Variants in C14orf39 observed in about 807,000 individuals in gnomAD.
C14orf39 encodes chromosome 14 open reading frame 39.
C14orf39 carries 66 observed loss-of-function variants against 85.6 expected under a neutral mutation model. The ratio of observed to expected loss-of-function variants is 0.77; its 90% confidence interval spans 0.63 to 0.95. The LOEUF is 0.95. Ranked by LOEUF, C14orf39 falls within the 40% of genes least tolerant of loss-of-function variation. The pLI is 0.00. For missense variants in C14orf39, 735 were observed against 663.9 expected, an observed-to-expected ratio of 1.11 and a Z score of -1.18; for synonymous variants, 242 against 214.0, an observed-to-expected ratio of 1.13 and a Z score of -1.14.
chr14:60,480,952 T>G (rs1224409612), intron 4 of C14orf39, among the ~76,000 whole-genome samples: 1 of 152,064 alleles, frequency 6.6e-6, no homozygotes, highest in East Asian at 1.9e-4. Context: ...GAGGTGGGGT[T>G]GAGGTAAAGA....
chr14:60,509,476 T>C lies in C14orf39; in HGVS notation c.-144+5919A>G. On this transcript the variant is annotated intron_variant, in intron 1 of 5. Coordinates refer to the C14orf39 transcript ENST00000556799. ...GTGAGACCCTGGAAGAGAGCGGCGA[T>C]GTGGAGCGCCTGGGTCGCTTCCTCT... is the stretch of plus-strand genomic sequence containing the variant. 4 of 1,601,182 alleles carry C rather than the reference T, an allele frequency of 2.5e-6. No individual in the cohort carries two copies. Among genetic ancestry groups the C allele is most frequent in the Non-Finnish European group, 3.4e-6 (4 of 1,179,946 alleles).
intron 2 of C14orf39, chr14:60,495,402 G>T: frequency 5.7e-6 from 1 of 176,264 alleles, no homozygotes. Flanking sequence ...TGAGCGGCAG[G>T]TCATCAAGCA....
chr14:60,467,715 T>G (rs1174901490), intron 9 of C14orf39, among the ~76,000 whole-genome samples: 2 of 151,328 alleles, frequency 1.3e-5, no homozygotes, highest in African/African-American at 4.9e-5. Flanking sequence ...TACATGGGAG[T>G]GGAGGAATCA....
In C14orf39 at chr14:60,457,079, T is replaced by C. The variant is rs900522487; in HGVS notation, c.1196A>G (p.His399Arg). The change falls in exon 15 of 18, where the codon CAT becomes CGT. Residue 399 changes from histidine to arginine, a missense_variant. His to Arg is a conservative substitution (Grantham distance 29). Transcript: ENST00000321731. Reference protein sequence around the residue: ...KCTSQAIYTEHFGKSVENDSD... With the variant: ...KCTSQAIYTERFGKSVENDSD... ...ATCATTTTCTACTGACTTCCCAAAA[T>C]GTTCAGTATATATAGCCTGCAAATT... 3.8e-6 allele frequency: 6 copies of C among 1,596,632 alleles called. No individual in the cohort carries two copies. Among genetic ancestry groups the C allele is most frequent in the African/African-American group, 1.4e-5 (1 of 73,656 alleles).
At chr14:60,478,578 C>T (rs909287148) in intron 4 of C14orf39, among the ~76,000 whole-genome samples, 189 bp from the exon 5 acceptor site, 25 of 152,090 alleles carry the variant, frequency 1.6e-4, no homozygotes, top group Admixed American at 1.3e-4. Flanking sequence ...GACTATTATG[C>T]TCGAATATCA....
intron 4 of C14orf39, among the ~76,000 whole-genome samples, chr14:60,482,446 A>G (rs932376761): frequency 7.9e-5 from 12 of 152,224 alleles, no homozygotes; most frequent in African/African-American, 2.2e-4. Flanking sequence ...TTTTCTATTT[A>G]TAAAAGTAAT....
intron 5 of C14orf39, among the ~76,000 whole-genome samples, chr14:60,475,724 G>T (rs919068748): frequency 6.6e-6 from 1 of 152,042 alleles, no homozygotes; most frequent in Non-Finnish European, 1.5e-5. Context: ...AAAAAAGCTT[G>T]CCAACTCTAA....
At chr14:60,487,812 T>G (rs902844893), upstream of C14orf39, among the ~76,000 whole-genome samples, 1 of 152,204 alleles carries the variant, frequency 6.6e-6, no homozygotes, top group African/African-American at 2.4e-5. Context: ...TCATAGTCAT[T>G]CTAACAGGTG....
intron 4 of C14orf39, among the ~76,000 whole-genome samples, chr14:60,482,912 T>C (rs796930366): frequency 7.7e-4 from 60 of 77,434 alleles, no homozygotes; most frequent in African/African-American, 1.9e-3. Context: ...GTGTGTGTGG[T>C]GTGCATAATA....
rs1163514241 is a variant in C14orf39, at chr14:60,469,667, G to A, written c.555-14C>T. 1 of 1,087,912 alleles carries A rather than the reference G, an allele frequency of 9.2e-7. No individual in the cohort carries two copies. 67.4% of individuals were successfully genotyped at this position (1,087,912 alleles called of 1,614,324 possible). On this transcript the variant is annotated splice_polypyrimidine_tract_variant and intron_variant, in intron 7 of 17. Coordinates refer to ENST00000321731, the MANE Select transcript of C14orf39 (RefSeq NM_174978.3). ...CTCAAATTAACACTTTTTATGTTAA[G>A]GAACTATGTCATATAAGTAAATTTT... is the stretch of plus-strand genomic sequence containing the variant.
intron 1 of C14orf39, among the ~76,000 whole-genome samples, chr14:60,500,976 A>G (rs1893137285): frequency 6.6e-6 from 1 of 152,126 alleles, no homozygotes; most frequent in Non-Finnish European, 1.5e-5. Flanking sequence ...AGAGCAGAGG[A>G]AAGAATAGAG....
At chr14:60,448,065 T>A (rs377207996) in intron 16 of C14orf39, among the ~76,000 whole-genome samples, 2 of 152,216 alleles carry the variant, frequency 1.3e-5, no homozygotes, top group East Asian at 3.9e-4. Context: ...AAGACTTAAA[T>A]GTAAGACCTA....
chr14:60,445,180 C>G (rs1400859210), intron 16 of C14orf39, among the ~76,000 whole-genome samples: 2 of 152,080 alleles, frequency 1.3e-5, no homozygotes, highest in African/African-American at 2.4e-5. Flanking sequence ...AAATAACCAG[C>G]TAACATCATG....
intron 1 of C14orf39, among the ~76,000 whole-genome samples, chr14:60,513,409 T>C (rs1410858444): frequency 1.3e-5 from 2 of 152,196 alleles, no homozygotes; most frequent in Admixed American, 6.5e-5. Flanking sequence ...GTCAAGGTTA[T>C]GCAAGTGCAG....
chr14:60,467,059 G>A lies in C14orf39; in HGVS notation c.768-15C>T. On this transcript the variant is annotated splice_polypyrimidine_tract_variant and intron_variant, in intron 9 of 17. Transcript: ENST00000321731. Reference sequence around the variant, plus strand: ...TTCCAAAAATTCTAAAGAGAAAGGTGAATTACATTAAATATTAGATAAGTT... The same window carrying A: ...TTCCAAAAATTCTAAAGAGAAAGGTAAATTACATTAAATATTAGATAAGTT... 3.3e-6 allele frequency: 4 copies of A among 1,219,076 alleles called. No individual in the cohort carries two copies. The highest frequency in any genetic ancestry group is 4.3e-6 in the Non-Finnish European group (4 of 922,428). The allele number at this position is 1,219,076 out of a possible 1,614,324, so 75.5% of individuals were successfully genotyped here. A position where few individuals can be genotyped will look rare whatever the true frequency, so the allele number is the denominator to read the frequency against.
chr14:60,454,961 C>G, intron 16 of C14orf39, 40 bp downstream of exon 16: 1 of 1,431,642 alleles, frequency 7.0e-7, no homozygotes, highest in African/African-American at 1.5e-5. Flanking sequence ...AGTTTCACAG[C>G]AGAATTTTTA....
At chr14:60,459,144 T>A (rs1042316020) in intron 13 of C14orf39, among the ~76,000 whole-genome samples, 4 of 151,806 alleles carry the variant, frequency 2.6e-5, no homozygotes, top group Non-Finnish European at 5.9e-5. Flanking sequence ...AAATAACATA[T>A]GTATGCTCTT....
chr14:60,443,642 CCTGT>C (rs1396674639), intron 16 of C14orf39, among the ~76,000 whole-genome samples: 1 of 152,160 alleles, frequency 6.6e-6, no homozygotes, highest in Non-Finnish European at 1.5e-5. Flanking sequence ...CCTAAATGTC[CCTGT>C]CTGACAGCTC....
At position 60,461,345 on chromosome 14, in the gene C14orf39, G is replaced by A. The variant is rs566673462; in HGVS notation, c.1117+9C>T. On this transcript the variant is annotated intron_variant, in intron 13 of 17. Transcript: ENST00000321731. ...GACTTCTTAGAAGAAAAATATAAAC[G>A]GCAAATACCTTTATCCCCTTTTTCC... 220 of 1,606,872 alleles carry A rather than the reference G, an allele frequency of 1.4e-4. No homozygotes were observed. Among genetic ancestry groups the A allele is most frequent in the Middle Eastern group, 8.3e-4 (5 of 6,016 alleles).
Sources: allele counts gnomAD v4.1 joint callset (sites outside exome capture counted in the v4.1 genomes callset), GRCh38; gene constraint gnomAD v4.1.1; transcripts MANE v1.5; gene names NCBI Gene and HGNC (gene_info 2026-07-23, HGNC 2026-07-21).